SLC6A12: variants seen among roughly 807,000 people sequenced by gnomAD.
The protein encoded by SLC6A12 is sodium- and chloride-dependent betaine transporter.
Under a neutral mutation model 73.3 loss-of-function variants are expected in SLC6A12, and 50 were observed. The ratio of observed to expected loss-of-function variants is 0.68; its 90% CI spans 0.54 to 0.86. The LOEUF (loss-of-function observed/expected upper bound fraction) is 0.86. SLC6A12 is among the 40% of genes least tolerant of loss of function. The pLI is 0.00. For synonymous variants in SLC6A12, 304 were observed against 309.2 expected (o/e 0.98, Z 0.18); for missense variants, 648 against 772.8 (o/e 0.84, Z 1.92).
chr12:193,366 A>C lies in SLC6A12; in HGVS notation c.1441T>G (p.Phe481Val). Residue 481 changes from phenylalanine to valine, a missense_variant, in exon 14 of 16, where the codon TTC becomes GTC. Physicochemically the swap from Phe to Val is conservative, Grantham distance 50. Transcript: ENST00000684302. ...CISWVYGADR[F>V]YDNIEDMIGY... ...ATCATGTCCTCAATGTTGTCATAGA[A>C]ACGGTCCGCCCCTGAGCAGGCATGG... 6.2e-7 allele frequency: 1 copy of C among 1,613,714 alleles called. No individual in the cohort carries two copies. The highest frequency in any genetic ancestry group is 8.5e-7 in the Non-Finnish European group (1 of 1,179,726).
At chr12:197,644 G>A in intron 9 of SLC6A12, 143 bp from the exon 10 acceptor site, 2 of 889,934 alleles carry the variant, frequency 2.2e-6, no homozygotes, top group East Asian at 5.4e-5. Flanking sequence ...ACAGAGGAGG[G>A]GAGGAAGGGA....
intron 11 of SLC6A12, among the ~76,000 whole-genome samples, 170 bp from the exon 12 acceptor site, chr12:196,431 C>CAGT (rs1471710291): frequency 6.6e-6 from 1 of 152,182 alleles, no homozygotes; most frequent in Non-Finnish European, 1.5e-5. Context: ...CCCTTAACTA[C>CAGT]AACTCCATGA....
At chr12:202,698 G>C in intron 5 of SLC6A12, 42 bp downstream of exon 5, 1 of 1,597,158 alleles carries the variant, frequency 6.3e-7, no homozygotes, top group East Asian at 2.3e-5. Flanking sequence ...CCGCAGCCCA[G>C]CCCCTAACAG....
chr12:201,640 C>CG (rs1339041440), intron 6 of SLC6A12, 122 bp downstream of exon 6: 12 of 741,416 alleles, frequency 1.6e-5, no homozygotes, highest in Non-Finnish European at 2.1e-5. Context: ...TGGAGTGGGG[C>CG]GGGGGAGGAA....
chr12:186,719 C>T (rs1939436290), downstream of SLC6A12, among the ~76,000 whole-genome samples: 1 of 152,208 alleles, frequency 6.6e-6, no homozygotes, highest in Non-Finnish European at 1.5e-5. Context: ...GCCACGTGGG[C>T]GCTGCTGATG....
chr12:187,443 C>T (rs779671470), downstream of SLC6A12, among the ~76,000 whole-genome samples: 3 of 151,614 alleles, frequency 2.0e-5, no homozygotes, highest in Non-Finnish European at 4.4e-5. Flanking sequence ...GAAGGCGGCG[C>T]GTCTGGAGTT....
rs148411995 is a variant in SLC6A12, at chr12:200,169, C to T, written c.711+482G>A. On this transcript the variant is annotated intron_variant, in intron 7 of 15. Transcript: ENST00000684302. ...TGTCGCCCAGGCTGGAGTGCAGTGG[C>T]GCTATCTCGGCTCACTGCAAGCTCC... Among the ~76,000 whole-genome samples the T allele has an allele frequency of 7.2e-3, 1,021 of 141,274 alleles. 18 individuals are homozygous for T. Among genetic ancestry groups the T allele is most frequent in the African/African-American group, 0.025 (911 of 37,142 alleles). The allele number at this position is 141,274 out of a possible 152,430, so 92.7% of individuals were successfully genotyped here. A position where few individuals can be genotyped will look rare whatever the true frequency, so the allele number is the denominator to read the frequency against.
intron 3 of SLC6A12, among the ~76,000 whole-genome samples, chr12:205,621 A>G (rs1940593120): frequency 6.6e-6 from 1 of 152,246 alleles, no homozygotes; most frequent in African/African-American, 2.4e-5. Flanking sequence ...ACTACACTAT[A>G]TACCTCTGAT....
chr12:187,205 G>A (rs1456020329), downstream of SLC6A12, among the ~76,000 whole-genome samples: 1 of 152,136 alleles, frequency 6.6e-6, no homozygotes, highest in Non-Finnish European at 1.5e-5. Context: ...AACACCAAAG[G>A]AAACGAGATG....
intron 3 of SLC6A12, among the ~76,000 whole-genome samples, chr12:209,421 C>T (rs1281977244): frequency 1.3e-5 from 2 of 152,208 alleles, no homozygotes; most frequent in African/African-American, 4.8e-5. Flanking sequence ...TTGCACCTAG[C>T]GCCGGGTCTG....
At chr12:199,250 C>T (rs892337061) in intron 7 of SLC6A12, among the ~76,000 whole-genome samples, 2 of 152,154 alleles carry the variant, frequency 1.3e-5, no homozygotes, top group Admixed American at 6.5e-5. Context: ...TCAACATGTA[C>T]GTATGTGCAT....
chr12:196,029 C>T, intron 12 of SLC6A12, 95 bp downstream of exon 12: 1 of 1,214,876 alleles, frequency 8.2e-7, no homozygotes, highest in Non-Finnish European at 1.1e-6. Context: ...CCCTCGTCAG[C>T]AGATAAGAAA....
Position 192,464 on chromosome 12 carries a change from C to G in SLC6A12, c.1701+14G>C, listed in dbSNP as rs1565464756. 7.4e-6 allele frequency: 12 copies of G among 1,613,250 alleles called. No individual in the cohort carries two copies. The highest frequency in any genetic ancestry group is 1.3e-5 in the African/African-American group (1 of 74,868). ...GCCCTCCTTTAAGAGGTCACTCTCC[C>G]CTACACCACCTACCTTCCTGAAAGG... On this transcript the variant is annotated intron_variant, in intron 15 of 15. Coordinates refer to ENST00000684302, the MANE Select transcript of SLC6A12 (RefSeq NM_001122848.3).
At chr12:204,796 A>G in intron 3 of SLC6A12, 98 bp from the exon 4 acceptor site, 2 of 1,373,636 alleles carry the variant, frequency 1.5e-6, no homozygotes, top group Non-Finnish European at 2.0e-6. Flanking sequence ...GCCCTCCACC[A>G]TCCTGTTCTT....
At chr12:207,571 T>G (rs1406500402) in intron 3 of SLC6A12, among the ~76,000 whole-genome samples, 2 of 152,220 alleles carry the variant, frequency 1.3e-5, no homozygotes, top group Admixed American at 1.3e-4. Flanking sequence ...CCTGCATATA[T>G]TAATAAAATT....
At chr12:201,451 C>T in intron 6 of SLC6A12, 1 of 322,712 alleles carries the variant, frequency 3.1e-6, no homozygotes. Context: ...CATGCACACT[C>T]AGCTCCCCTA....
intron 7 of SLC6A12, among the ~76,000 whole-genome samples, chr12:200,185 T>C (rs1309796915): frequency 6.8e-6 from 1 of 146,380 alleles, no homozygotes; most frequent in Non-Finnish European, 1.5e-5. Context: ...CTCGGCTCAC[T>C]GCAAGCTCCG....
Position 196,815 on chromosome 12 carries a change from G to T in SLC6A12, c.1143C>A (p.Ser381=). Residue 381 remains serine, a synonymous_variant, in exon 11 of 16, where the codon TCC becomes TCA. Transcript: ENST00000684302. ...ATATGAGCATGATAAAGAACAGGCAGGACCACAGCTGGGATAAGGGCATCA... is the reference window on the plus strand; with the variant it reads ...ATATGAGCATGATAAAGAACAGGCATGACCACAGCTGGGATAAGGGCATCA... ...VTMMPLSQLW[S]CLFFIMLIFL... is the part of the protein sequence containing the mutation. 6.2e-7 allele frequency: 1 copy of T among 1,613,940 alleles called. No homozygotes were observed. The highest frequency in any genetic ancestry group is 8.5e-7 in the Non-Finnish European group (1 of 1,179,898).
chr12:188,567 T>C (rs948672824), downstream of SLC6A12, among the ~76,000 whole-genome samples: 2 of 151,996 alleles, frequency 1.3e-5, no homozygotes, highest in African/African-American at 4.8e-5. Flanking sequence ...GCAGCCAGAG[T>C]GGGCGCCGAG....
Sources: allele counts gnomAD v4.1 joint callset (sites outside exome capture counted in the v4.1 genomes callset), GRCh38; gene constraint gnomAD v4.1.1; transcripts MANE v1.5; gene names NCBI Gene and HGNC (gene_info 2026-07-23, HGNC 2026-07-21).